TSHZ2: variants seen among roughly 807,000 people sequenced by gnomAD.
TSHZ2 encodes teashirt zinc finger homeobox 2.
TSHZ2 carries 21 observed loss-of-function variants against 74.4 expected under a neutral mutation model. That is an observed-to-expected ratio of 0.28 (90% CI 0.20 to 0.41). The LOEUF is 0.41. TSHZ2 is among the 10% of genes least tolerant of loss of function. The pLI, the probability that TSHZ2 is intolerant of heterozygous loss-of-function variation, is 1.00. For synonymous variants in TSHZ2, 540 were observed against 515.3 expected (o/e 1.05, Z -0.65); for missense variants, 1,244 against 1,293.5 (o/e 0.96, Z 0.59).
intron 2 of TSHZ2, among the ~76,000 whole-genome samples, chr20:53,343,876 C>A (rs567293030): frequency 3.9e-4 from 59 of 152,322 alleles, no homozygotes; most frequent in African/African-American, 1.3e-3. Context: ...GAGAGCCAGG[C>A]ATGAATAGCC....
chr20:53,038,599 A>T (rs189690314), intron 1 of TSHZ2, among the ~76,000 whole-genome samples: 6 of 152,176 alleles, frequency 3.9e-5, no homozygotes, highest in African/African-American at 1.2e-4. Context: ...GTGCCTCCCC[A>T]AGCTCTCATT....
rs1986498410 is a variant in TSHZ2, at chr20:53,493,381, C to G, written c.*6246C>G. 1 of 152,186 alleles carries G rather than the reference C, an allele frequency of 6.6e-6. No homozygotes were observed. The highest frequency in any genetic ancestry group is 1.5e-5 in the Non-Finnish European group (1 of 68,036). The allele number at this position is 152,186 out of a possible 1,614,324, so 9.4% of individuals were successfully genotyped here. On this transcript the variant is annotated 3_prime_UTR_variant, in exon 3 of 3. Transcript: ENST00000371497. ...ACCAACTTCCTAATTCAGAGTTTTC[C>G]TTTTAAAGGCATGCTTTACCCCCAT... is the stretch of plus-strand genomic sequence containing the variant.
chr20:53,024,457 T>C (rs1369718560), intron 1 of TSHZ2, among the ~76,000 whole-genome samples: 1 of 151,862 alleles, frequency 6.6e-6, no homozygotes, highest in East Asian at 1.9e-4. Flanking sequence ...GAGAAGAACA[T>C]TAAACCATGG....
At chr20:53,028,062 A>G (rs1488768667) in intron 1 of TSHZ2, among the ~76,000 whole-genome samples, 2 of 152,208 alleles carry the variant, frequency 1.3e-5, no homozygotes, top group African/African-American at 4.8e-5. Flanking sequence ...TTTCAGAGCC[A>G]TTAAGAAGCA....
chr20:52,977,464 ACACACG>A (rs1338979953), intron 1 of TSHZ2, among the ~76,000 whole-genome samples: 1 of 142,814 alleles, frequency 7.0e-6, no homozygotes, highest in East Asian at 2.3e-4. Flanking sequence ...ACACACACAC[ACACACG>A]CATGGACACA....
At chr20:53,429,492 G>A (rs933208673) in intron 2 of TSHZ2, among the ~76,000 whole-genome samples, 2 of 152,154 alleles carry the variant, frequency 1.3e-5, no homozygotes, top group South Asian at 2.1e-4. Flanking sequence ...TTTTAAAAAC[G>A]GGAGTTTCCC....
intron 2 of TSHZ2, among the ~76,000 whole-genome samples, chr20:53,329,344 C>A (rs2749122): frequency 0.54 from 81,526 of 150,812 alleles, 22,686 homozygotes; most frequent in African/African-American, 0.68. Flanking sequence ...TAACTTAAAA[C>A]TAAAAGAGTC....
chr20:53,398,386 TA>T (rs1982533853), intron 2 of TSHZ2: 1 of 152,222 alleles, frequency 6.6e-6, no homozygotes, highest in South Asian at 2.1e-4. Context: ...AATAGCGTTG[TA>T]AAAAGTATTT....
rs953955804 is a variant in TSHZ2 at position 53,253,682 on chromosome 20, C to A, written c.224C>A (p.Ser75Tyr). 1 of 1,614,126 alleles carries A rather than the reference C, an allele frequency of 6.2e-7. No individual in the cohort carries two copies. Residue 75 changes from serine (S) to tyrosine (Y), a missense_variant, in exon 2 of 3, where the codon TCC (serine) becomes TAC (tyrosine). Ser to Tyr is a moderately radical substitution (Grantham distance 144, BLOSUM62 -2). Around this residue, in one of 6 missense-constraint regions of TSHZ2, gnomAD observed 470 missense variants for 456.5 expected, o/e 1.03. Coordinates refer to ENST00000371497, the MANE Select transcript of TSHZ2 (RefSeq NM_173485.6). ...SYQNSPGSHL[S>Y]NQDAENESLL... ...CAGAACTCTCCAGGAAGTCATTTGT[C>A]CAATCAGGATGCCGAGAACGAGTCT...
At chr20:53,316,527 A>G (rs1284197667) in intron 2 of TSHZ2, among the ~76,000 whole-genome samples, 1 of 151,978 alleles carries the variant, frequency 6.6e-6, no homozygotes, top group Non-Finnish European at 1.5e-5. Context: ...AAGACTGATC[A>G]GGTTACTATA....
chr20:52,979,534 C>T (rs968125228), intron 1 of TSHZ2, among the ~76,000 whole-genome samples: 1 of 152,142 alleles, frequency 6.6e-6, no homozygotes, highest in African/African-American at 2.4e-5. Flanking sequence ...CACAGAGACA[C>T]AGAAGAGAAA....
chr20:53,011,454 C>T (rs757094027), intron 1 of TSHZ2, among the ~76,000 whole-genome samples: 11 of 152,130 alleles, frequency 7.2e-5, no homozygotes, highest in South Asian at 2.1e-4. Flanking sequence ...TCATCTAATC[C>T]AACATGATTA....
chr20:53,475,172 C>A (rs1985954905), intron 2 of TSHZ2, among the ~76,000 whole-genome samples: 1 of 140,734 alleles, frequency 7.1e-6, no homozygotes, highest in South Asian at 2.4e-4. Context: ...TGGACATCTA[C>A]ATAACTCTCC....
intron 1 of TSHZ2, among the ~76,000 whole-genome samples, chr20:53,098,237 G>C (rs917193398): frequency 9.2e-5 from 14 of 152,186 alleles, no homozygotes; most frequent in African/African-American, 3.1e-4. Context: ...GTTGACTGTT[G>C]AATATTGCCC....
rs375026674 is a variant in TSHZ2 at position 53,335,814 on chromosome 20, C to T, written c.*8+79243C>T. Among the ~76,000 whole-genome samples the T allele has an allele frequency of 1.9e-4, 21 of 108,600 alleles. No homozygotes were observed. The East Asian group carries it at 2.2e-3, about 11-fold the overall frequency. The allele number at this position is 108,600 out of a possible 152,430, so 71.2% of individuals were successfully genotyped here. A position where few individuals can be genotyped will look rare whatever the true frequency, so the allele number is the denominator to read the frequency against. ...GAAAAAAATCACTTCCCAACCTCAT[C>T]TGCCAGGCGGCAAAATCTTAGCTGT... On this transcript the variant is annotated intron_variant, in intron 2 of 2. Coordinates refer to ENST00000371497, the MANE Select transcript of TSHZ2 (RefSeq NM_173485.6).
intron 1 of TSHZ2, among the ~76,000 whole-genome samples, chr20:53,224,027 G>C (rs1010864443): frequency 2.6e-5 from 4 of 152,088 alleles, no homozygotes; most frequent in African/African-American, 9.7e-5. Flanking sequence ...GATTATGCAA[G>C]ATGTTATCAT....
intron 2 of TSHZ2, among the ~76,000 whole-genome samples, chr20:53,414,666 A>T (rs1319174472): frequency 6.6e-6 from 1 of 152,182 alleles, no homozygotes; most frequent in Admixed American, 6.5e-5. Flanking sequence ...TCTTAAAAAA[A>T]ATTTTATTTA....
At chr20:53,015,234 A>G (rs1339249032) in intron 1 of TSHZ2, among the ~76,000 whole-genome samples, 1 of 152,128 alleles carries the variant, frequency 6.6e-6, no homozygotes, top group Non-Finnish European at 1.5e-5. Context: ...ATCCTCTTTC[A>G]ACCTTTTCAA....
chr20:53,005,815 T>C (rs1158180736), intron 1 of TSHZ2, among the ~76,000 whole-genome samples: 1 of 152,202 alleles, frequency 6.6e-6, no homozygotes, highest in East Asian at 1.9e-4. Flanking sequence ...ACCTCACTTT[T>C]TCTTCTCTGT....
Sources: gnomAD v4.1 joint callset for allele counts (sites outside exome capture counted in the v4.1 genomes callset) on GRCh38, gnomAD v4.1.1 for gene constraint, gnomAD v4.1.1 regional missense constraint, MANE v1.5 for transcripts, NCBI Gene and HGNC (gene_info 2026-07-23, HGNC 2026-07-21) for gene names.